The following DNAH6 variants were observed in gnomAD, a reference collection of about 807,000 sequenced individuals.
The protein encoded by DNAH6 is axonemal beta dynein heavy chain 6.
Under a neutral mutation model 491.4 loss-of-function variants are expected in DNAH6, and 340 were observed. The ratio of observed to expected loss-of-function variants is 0.69; its 90% CI spans 0.63 to 0.76. DNAH6 has a LOEUF of 0.76. Among genes scored for constraint, DNAH6 ranks in the 30% least tolerant of loss-of-function variants. DNAH6 has a pLI of 0.00. For synonymous variants in DNAH6, 1,603 were observed against 1,686.1 expected, an observed-to-expected ratio of 0.95 and a Z score of 1.21; for missense variants, 4,443 against 4,972.2, an observed-to-expected ratio of 0.89 and a Z score of 3.20.
At chr2:84,679,218 G>A (rs138113667) in intron 41 of DNAH6, among the ~76,000 whole-genome samples, 293 of 152,140 alleles carry the variant, frequency 1.9e-3, no homozygotes, top group African/African-American at 6.5e-3. Flanking sequence ...GTGTTAACAC[G>A]ATTAGTCCTA....
At chr2:84,658,692 G>A (rs538146631) in intron 36 of DNAH6, among the ~76,000 whole-genome samples, 1 of 152,138 alleles carries the variant, frequency 6.6e-6, no homozygotes, top group Non-Finnish European at 1.5e-5. Flanking sequence ...TTCTCTTACA[G>A]TCTACAACAT....
chr2:84,512,811 T>TACAGTATGCATGAAATA (rs1468671874), upstream of DNAH6, among the ~76,000 whole-genome samples: 20 of 152,254 alleles, frequency 1.3e-4, no homozygotes, highest in African/African-American at 4.8e-4. Flanking sequence ...CACTGCCACT[T>TACAGTATGCATGAAATA]TCTTTTGCTT....
At chr2:84,600,831 G>A (rs368406971) in intron 18 of DNAH6, among the ~76,000 whole-genome samples, 6 of 151,502 alleles carry the variant, frequency 4.0e-5, no homozygotes, top group African/African-American at 1.5e-4. Flanking sequence ...AAGTTACTAC[G>A]CACAGCCATA....
At chr2:84,648,137 G>A (rs1322528973) in intron 33 of DNAH6, among the ~76,000 whole-genome samples, 1 of 152,224 alleles carries the variant, frequency 6.6e-6, no homozygotes, top group African/African-American at 2.4e-5. Flanking sequence ...CTGGCAGCAA[G>A]CTGCCCTTTT....
In DNAH6 at chr2:84,517,840, C is replaced by G; in HGVS notation, c.14C>G (p.Ala5Gly). 6.4e-7 allele frequency: 1 copy of G among 1,551,012 alleles called. No individual in the cohort carries two copies. Among genetic ancestry groups the G allele is most frequent in the Non-Finnish European group, 8.7e-7 (1 of 1,146,836 alleles). The change falls in exon 2 of 77, where the codon GCC becomes GGC. Residue 5 changes from alanine to glycine, a missense_variant. Around this residue, in one of 3 missense-constraint regions of DNAH6, gnomAD observed 2,977 missense variants for 3,296.6 expected, o/e 0.90. Coordinates refer to ENST00000389394, the MANE Select transcript of DNAH6 (RefSeq NM_001370.2). The stretch of plus-strand genomic sequence containing the variant: ...TCAGGAGTAAGGATGACTTTTCGGG[C>G]CACAGATAGTGAATTTGACCTGACA... MTFR[A>G]TDSEFDLTNI...
chr2:84,558,383 C>T (rs1318529401), intron 11 of DNAH6, among the ~76,000 whole-genome samples: 2 of 150,840 alleles, frequency 1.3e-5, no homozygotes, highest in Non-Finnish European at 2.9e-5. Context: ...GAGATCGCGC[C>T]ACTGCACTCC....
chr2:84,681,476 C>T lies in DNAH6; in HGVS notation c.6864C>T (p.Pro2288=), dbSNP rs923435994. The T allele has an allele frequency of 9.0e-6, 14 of 1,550,990 alleles. No homozygotes were observed. Among genetic ancestry groups the T allele is most frequent in the African/African-American group, 5.5e-5 (4 of 72,988 alleles). Residue 2288 remains proline, a synonymous_variant, in exon 42 of 77, where the codon CCC becomes CCT. Transcript: ENST00000389394. The part of the protein sequence containing the change: ...NKMSVDLLPT[P]AKSHYVFNLR... ...TGAGTGTTGACCTCCTGCCAACACC[C>T]GCCAAGTCCCATTATGTCTTTAACT... is the stretch of plus-strand genomic sequence containing the variant.
the DNAH6 span, among the ~76,000 whole-genome samples, chr2:84,490,486 A>G: frequency 2.0e-5 from 3 of 151,920 alleles, no homozygotes; most frequent in Non-Finnish European, 4.4e-5. Flanking sequence ...CTTACCTCCA[A>G]CCATTGGTAA....
chr2:84,552,766 G>A (rs1360086142), intron 9 of DNAH6, 152 bp from the exon 10 acceptor site: 1 of 434,432 alleles, frequency 2.3e-6, no homozygotes, highest in African/African-American at 2.1e-5. Flanking sequence ...TTTTCTTTCT[G>A]TTCTTTATTA....
At chr2:84,604,009 A>G (rs575777937) in intron 18 of DNAH6, among the ~76,000 whole-genome samples, 1 of 152,254 alleles carries the variant, frequency 6.6e-6, no homozygotes, top group South Asian at 2.1e-4. Context: ...CTCTATTTTT[A>G]AAATTTAGCT....
chr2:84,467,080 T>C, the DNAH6 span, among the ~76,000 whole-genome samples: 43 of 152,238 alleles, frequency 2.8e-4, no homozygotes, highest in Non-Finnish European at 5.3e-4. Context: ...CTGGTTTGCA[T>C]TTATTCCAAT....
intron 14 of DNAH6, among the ~76,000 whole-genome samples, chr2:84,580,189 A>G (rs560747487): frequency 2.0e-4 from 30 of 152,334 alleles, no homozygotes; most frequent in African/African-American, 7.2e-4. Context: ...TAAGAATGAA[A>G]GAAACCCAAC....
intron 37 of DNAH6, among the ~76,000 whole-genome samples, chr2:84,659,962 A>G (rs58438553): frequency 0.069 from 10,561 of 152,250 alleles, 1,218 homozygotes; most frequent in African/African-American, 0.24. Flanking sequence ...GGCCTGGGCA[A>G]CAGAGCAAGA....
intron 4 of DNAH6, among the ~76,000 whole-genome samples, chr2:84,534,057 G>A (rs1192929670): frequency 1.3e-5 from 2 of 151,906 alleles, no homozygotes; most frequent in Admixed American, 6.6e-5. Context: ...TTAAAATTAT[G>A]ACATATTTAT....
intron 68 of DNAH6, among the ~76,000 whole-genome samples, chr2:84,790,496 G>A (rs776894496): frequency 1.3e-5 from 2 of 152,072 alleles, no homozygotes; most frequent in African/African-American, 2.4e-5. Flanking sequence ...ATCTGATAAG[G>A]GCTTGTATCC....
rs768077545 is a variant in DNAH6, at chr2:84,669,574, G to A, written c.6306+64G>A. ...GTGAGGGCATGATGGACTTAGAATC[G>A]TTAGCACCAGAAGTAATATTATTTC... On this transcript the variant is annotated intron_variant, in intron 38 of 76. Transcript: ENST00000389394. 7.4e-5 allele frequency: 97 copies of A among 1,318,524 alleles called. 2 individuals carry two copies. The highest frequency in any genetic ancestry group is 5.6e-4 in the South Asian group (44 of 78,722). The allele number at this position is 1,318,524 out of a possible 1,614,324, so 81.7% of individuals were successfully genotyped here.
intron 11 of DNAH6, among the ~76,000 whole-genome samples, chr2:84,560,690 ATGAG>A (rs1258255051): frequency 2.0e-5 from 3 of 151,802 alleles, no homozygotes; most frequent in Non-Finnish European, 2.9e-5. Flanking sequence ...GTTCCCACCT[ATGAG>A]TGAGAACATG....
intron 62 of DNAH6, among the ~76,000 whole-genome samples, chr2:84,743,584 G>C (rs1672705190): frequency 6.6e-6 from 1 of 152,182 alleles, no homozygotes; most frequent in South Asian, 2.1e-4. Flanking sequence ...CACTTTTGGA[G>C]GCTGAGGCGA....
chr2:84,780,793 T>C (rs1676616808), intron 64 of DNAH6, among the ~76,000 whole-genome samples: 1 of 152,084 alleles, frequency 6.6e-6, no homozygotes, highest in Non-Finnish European at 1.5e-5. Flanking sequence ...TTTTTTTGTA[T>C]TCCTGTTTTC....
Sources: allele counts gnomAD v4.1 joint callset (sites outside exome capture counted in the v4.1 genomes callset), GRCh38; gene constraint gnomAD v4.1.1; regional missense constraint gnomAD v4.1.1; transcripts MANE v1.5; gene names NCBI Gene and HGNC (gene_info 2026-07-23, HGNC 2026-07-21).